PTPRU: variants seen among roughly 807,000 people sequenced by gnomAD.
PTPRU encodes the protein protein tyrosine phosphatase receptor type U, also known as receptor-type tyrosine-protein phosphatase U.
PTPRU carries 69 observed loss-of-function variants against 166.3 expected under a neutral mutation model. The ratio of observed to expected loss-of-function variants is 0.41; its 90% CI spans 0.34 to 0.51. PTPRU has a LOEUF of 0.51. PTPRU is among the 20% of genes least tolerant of loss of function. The probability of loss-of-function intolerance (pLI) is 0.09; values close to 1 mark genes in which losing one functional copy is unlikely to be tolerated. For synonymous variants in PTPRU, 793 were observed against 814.0 expected (o/e 0.97, Z 0.44); for missense variants, 1,657 against 2,013.7 (o/e 0.82, Z 3.39).
rs540740424 is a variant in PTPRU, at chr1:29,279,312, T to A, written c.1564-144T>A. The stretch of plus-strand genomic sequence containing the variant: ...TGAAGGCAGGAGGGAGAGCCGAAGA[T>A]GACTAGAAGCCTGGCTTGATGGCAT... On this transcript the variant is annotated intron_variant, in intron 9 of 29. Coordinates refer to ENST00000373779, the MANE Select transcript of PTPRU (RefSeq NM_133178.4). The surrounding 1 kb of genome is among the most constrained non-coding windows in gnomAD (Gnocchi z 5.2). 15 of 1,052,528 alleles carry A rather than the reference T, an allele frequency of 1.4e-5. No individual in the cohort carries two copies. In the African/African-American group the frequency reaches 2.4e-4, roughly 17 times the overall value. The allele number at this position is 1,052,528 out of a possible 1,614,324, so 65.2% of individuals were successfully genotyped here. A position where few individuals can be genotyped will look rare whatever the true frequency, so the allele number is the denominator to read the frequency against.
chr1:29,313,927 G>A (rs907283400), intron 22 of PTPRU, among the ~76,000 whole-genome samples: 6 of 152,140 alleles, frequency 3.9e-5, no homozygotes, highest in Non-Finnish European at 5.9e-5. Flanking sequence ...CCTTGAACCC[G>A]TTTCTGGCCT....
rs2235941 is a variant in PTPRU, at chr1:29,317,759, G to C, written c.3525G>C (p.Ser1175=). Residue 1175 remains serine, a synonymous_variant, in exon 25 of 30, where the codon TCG becomes TCC. Transcript: ENST00000373779. The surrounding 1 kb of genome is among the most constrained non-coding windows in gnomAD (Gnocchi z 5.6). ...QLREEFQTLN[S]VTPPLDVEEC... is the part of the protein sequence containing the mutation. ...CCCGCTCCCTGTAGACGCTGAACTC[G>C]GTCACCCCGCCGCTGGACGTGGAGG... is the stretch of plus-strand genomic sequence containing the variant. The C allele has an allele frequency of 1.2e-6, 2 of 1,608,670 alleles. No homozygotes were observed. Among genetic ancestry groups the C allele is most frequent in the African/African-American group, 1.3e-5 (1 of 74,884 alleles).
In PTPRU at chr1:29,258,518, G is replaced by A; in HGVS notation, c.219G>A (p.Met73Ile). The A allele has an allele frequency of 6.2e-7, 1 of 1,613,720 alleles. No individual in the cohort carries two copies. ...PADLPHGSYL[M>I]VNTSQHAPGQ... ...CTCTCTTTCCAGGCTCCTACTTGAT[G>A]GTCAACACTTCCCAGCATGCCCCAG... Residue 73 changes from methionine to isoleucine, a missense_variant, in exon 3 of 30, where the codon ATG (methionine) becomes ATA (isoleucine). Met to Ile is a conservative substitution (Grantham distance 10, BLOSUM62 1). Coordinates refer to ENST00000373779, the MANE Select transcript of PTPRU (RefSeq NM_133178.4).
intron 1 of PTPRU, among the ~76,000 whole-genome samples, chr1:29,249,088 G>A (rs1446247830): frequency 2.0e-5 from 3 of 152,154 alleles, no homozygotes; most frequent in African/African-American, 4.8e-5. Flanking sequence ...CCGGTCTTCC[G>A]CCTCCCATTT....
rs925515392 is a variant in PTPRU at position 29,279,860 on chromosome 1, T to C, written c.1766-179T>C. ...GAGACTGGTCAGTGGAATCAGAAGA[T>C]TGAGGTTGGGGCTGGTGCCTGAGGT... On this transcript the variant is annotated intron_variant, in intron 10 of 29. Transcript: ENST00000373779. The surrounding 1 kb of genome is among the most constrained non-coding windows in gnomAD (Gnocchi z 5.2). 2.6e-5 allele frequency among the ~76,000 whole-genome samples: 4 copies of C among 152,004 alleles called. No homozygotes were observed. Among genetic ancestry groups the C allele is most frequent in the African/African-American group, 9.7e-5 (4 of 41,380 alleles).
chr1:29,255,280 T>G lies in PTPRU; in HGVS notation c.79T>G (p.Cys27Gly), dbSNP rs747950055. 2 of 1,613,590 alleles carry G rather than the reference T, an allele frequency of 1.2e-6. No individual in the cohort carries two copies. The highest frequency in any genetic ancestry group is 8.5e-7 in the Non-Finnish European group (1 of 1,179,638). Reference sequence around the variant, plus strand: ...ACCAGGCCCTGCTCTCACAGCTGGCTGCACCTTCGAGGAGGCAAGTGACCC... The same window carrying G: ...ACCAGGCCCTGCTCTCACAGCTGGCGGCACCTTCGAGGAGGCAAGTGACCC... ...APETETPAAG[C>G]TFEEASDPAV... Residue 27 changes from cysteine to glycine, a missense_variant, in exon 2 of 30, where the codon TGC becomes GGC. By Grantham distance (159) the Cys-to-Gly change is radical. Around this residue, in one of 3 missense-constraint regions of PTPRU, gnomAD observed 453 missense variants for 496.9 expected, o/e 0.91. Transcript: ENST00000373779.
chr1:29,249,080 G>A (rs937499389), intron 1 of PTPRU, among the ~76,000 whole-genome samples: 10 of 152,176 alleles, frequency 6.6e-5, no homozygotes, highest in African/African-American at 1.4e-4. Flanking sequence ...AAAAGATCCC[G>A]GTCTTCCGCC....
chr1:29,258,036 C>T (rs1412798754), intron 2 of PTPRU, among the ~76,000 whole-genome samples: 1 of 152,160 alleles, frequency 6.6e-6, no homozygotes, highest in Non-Finnish European at 1.5e-5. Flanking sequence ...GTGATCTTGG[C>T]TCACTGCAAC....
intron 1 of PTPRU, among the ~76,000 whole-genome samples, chr1:29,243,424 G>C (rs2151938780): frequency 6.6e-6 from 1 of 152,306 alleles, no homozygotes; most frequent in Non-Finnish European, 1.5e-5. Flanking sequence ...CCTATCCGCT[G>C]TCTGCTCCAA....
In PTPRU at chr1:29,278,223, C is replaced by A. The variant is rs1045992556; in HGVS notation, c.1454-789C>A. On this transcript the variant is annotated intron_variant, in intron 8 of 29. Transcript: ENST00000373779. ...TACCACTAAGCTCCTTGGTTTATGG[C>A]TTTGTCTTGCTGCCGCACGTGCACA... Among the ~76,000 whole-genome samples the A allele has an allele frequency of 2.6e-5, 4 of 152,292 alleles. No individual in the cohort carries two copies. The East Asian group carries it at 7.7e-4, about 29-fold the overall frequency.
chr1:29,324,374 AGACCCCT>A (rs1688308234), intron 28 of PTPRU, among the ~76,000 whole-genome samples: 1 of 152,194 alleles, frequency 6.6e-6, no homozygotes, highest in Non-Finnish European at 1.5e-5. Context: ...CTGGTGGGAA[AGACCCCT>A]GAGAAGGGGA....
intron 7 of PTPRU, among the ~76,000 whole-genome samples, chr1:29,268,155 A>G (rs1685386818): frequency 6.6e-6 from 1 of 152,204 alleles, no homozygotes; most frequent in African/African-American, 2.4e-5. Flanking sequence ...CGAGATCCCT[A>G]TTAGACATTC....
Position 29,304,002 on chromosome 1 carries a change from A to G in PTPRU, c.2624A>G (p.Gln875Arg). The G allele has an allele frequency of 6.2e-7, 1 of 1,612,230 alleles. No individual in the cohort carries two copies. Among genetic ancestry groups the G allele is most frequent in the South Asian group, 1.1e-5 (1 of 91,024 alleles). The change falls in exon 16 of 30, where the codon CAG (glutamine) becomes CGG (arginine). Residue 875 changes from glutamine to arginine, a missense_variant. By Grantham distance (43) the Gln-to-Arg change is conservative. Around this residue, in one of 3 missense-constraint regions of PTPRU, gnomAD observed 1,190 missense variants for 1,477.4 expected, o/e 0.81. Coordinates refer to ENST00000373779, the MANE Select transcript of PTPRU (RefSeq NM_133178.4). ...GCAGACCTTCTGCAGCACATCAACC[A>G]GATGAAGACGGCCGAGGGTTACGGC... Reference protein sequence around the residue: ...RVADLLQHINQMKTAEGYGFK... With the variant: ...RVADLLQHINRMKTAEGYGFK...
intron 7 of PTPRU, among the ~76,000 whole-genome samples, chr1:29,270,949 C>CA (rs902540118): frequency 1.5e-4 from 22 of 151,654 alleles, no homozygotes; most frequent in African/African-American, 1.9e-4. Context: ...GACTGTGTCT[C>CA]AAAAAAACAA....
At chr1:29,254,105 C>T (rs748749434) in intron 1 of PTPRU, among the ~76,000 whole-genome samples, 1 of 152,158 alleles carries the variant, frequency 6.6e-6, no homozygotes, top group African/African-American at 2.4e-5. Context: ...TCTGTCAAAT[C>T]GGGAGGAGTA....
chr1:29,323,590 T>C (rs761594684), intron 27 of PTPRU, 41 bp from the exon 28 acceptor site: 1 of 1,612,718 alleles, frequency 6.2e-7, no homozygotes, highest in South Asian at 1.1e-5. Context: ...CCTGGGACCC[T>C]GGTGCTCATG....
intron 11 of PTPRU, among the ~76,000 whole-genome samples, chr1:29,282,070 G>A (rs932414038): frequency 2.0e-5 from 3 of 152,222 alleles, no homozygotes; most frequent in African/African-American, 7.2e-5. Flanking sequence ...GGCTGCCTTG[G>A]CATTGGGAGG....
intron 1 of PTPRU, among the ~76,000 whole-genome samples, chr1:29,244,777 A>G (rs898171545): frequency 4.6e-5 from 7 of 152,140 alleles, no homozygotes; most frequent in African/African-American, 1.7e-4. Flanking sequence ...GTTTGTCATG[A>G]GGATATGTTT....
Position 29,284,828 on chromosome 1 carries a change from C to A in PTPRU, c.2277C>A (p.Leu759=). ...LGICAGGLAV[L]ILLLGAIIVI... is the part of the protein sequence containing the mutation. ...TCTGTGCAGGGGGGCTTGCTGTCCTCATCCTTCTCCTGGGTGCCATCATTG... is the reference window on the plus strand; with the variant it reads ...TCTGTGCAGGGGGGCTTGCTGTCCTAATCCTTCTCCTGGGTGCCATCATTG... The change falls in exon 14 of 30, where the codon CTC becomes CTA. Residue 759 remains leucine, a synonymous_variant. Transcript: ENST00000373779. The A allele has an allele frequency of 6.2e-7, 1 of 1,613,452 alleles. No individual in the cohort carries two copies. Among genetic ancestry groups the A allele is most frequent in the African/African-American group, 1.3e-5 (1 of 75,016 alleles).
Sources: gnomAD v4.1 joint callset for allele counts (sites outside exome capture counted in the v4.1 genomes callset) on GRCh38, gnomAD v4.1.1 for gene constraint, gnomAD v4.1.1 regional missense constraint, Gnocchi (gnomAD v3.1) non-coding constraint, MANE v1.5 for transcripts, NCBI Gene and HGNC (gene_info 2026-07-23, HGNC 2026-07-21) for gene names.